FARS2: variants seen among roughly 807,000 people sequenced by gnomAD.
The protein encoded by FARS2 is phenylalanyl-tRNA synthetase 2, mitochondrial, also known as phenylalanine--tRNA ligase, mitochondrial.
In FARS2, 40 loss-of-function variants were observed where a neutral mutation model predicts 46.4. The observed-to-expected ratio is 0.86, with a 90% CI of 0.67 to 1.12. FARS2 has a LOEUF of 1.12. Among genes scored for constraint, FARS2 ranks in the 50% most tolerant of loss-of-function variants. The pLI, the probability that FARS2 is intolerant of heterozygous loss-of-function variation, is 0.00. For missense variants in FARS2, 513 were observed against 567.9 expected, an observed-to-expected ratio of 0.90 and a Z score of 0.98; for synonymous variants, 234 against 214.9, an observed-to-expected ratio of 1.09 and a Z score of -0.78.
intron 4 of FARS2, among the ~76,000 whole-genome samples, chr6:5,496,823 T>C (rs1412062911): frequency 6.6e-6 from 1 of 152,132 alleles, no homozygotes; most frequent in Non-Finnish European, 1.5e-5. Flanking sequence ...GAAGTTTTTG[T>C]TGTTGTTGTT....
chr6:5,448,571 A>G (rs548266785), intron 4 of FARS2, among the ~76,000 whole-genome samples: 6 of 151,948 alleles, frequency 3.9e-5, no homozygotes, highest in Non-Finnish European at 5.9e-5. Flanking sequence ...TGTGTGTATG[A>G]ACCATAATGT....
chr6:5,545,634 G>C (rs574807429), intron 5 of FARS2, among the ~76,000 whole-genome samples: 47 of 151,974 alleles, frequency 3.1e-4, no homozygotes, highest in Admixed American at 1.5e-3. Flanking sequence ...AACAGGCCCC[G>C]GTGTGTGATG....
intron 4 of FARS2, among the ~76,000 whole-genome samples, chr6:5,525,544 A>T (rs1769410972): frequency 6.6e-6 from 1 of 152,230 alleles, no homozygotes; most frequent in Non-Finnish European, 1.5e-5. Flanking sequence ...TTCATAAGGG[A>T]TGTGCCCTCC....
intron 3 of FARS2, among the ~76,000 whole-genome samples, chr6:5,427,953 T>G (rs1299893100): frequency 6.6e-6 from 1 of 152,216 alleles, no homozygotes; most frequent in African/African-American, 2.4e-5. Flanking sequence ...AGCCCTTCAG[T>G]GAAGGAAGGT....
At chr6:5,609,457 T>C in intron 5 of FARS2, 2 of 1,226,800 alleles carry the variant, frequency 1.6e-6, no homozygotes, top group Non-Finnish European at 2.4e-6. Flanking sequence ...CCAAATCCAT[T>C]ATAGCCATCC....
At chr6:5,745,672 G>C (rs1376965423) in intron 6 of FARS2, among the ~76,000 whole-genome samples, 2 of 152,146 alleles carry the variant, frequency 1.3e-5, no homozygotes, top group African/African-American at 4.8e-5. Context: ...CTAAGGAGCT[G>C]GGACTACAAG....
chr6:5,731,337 T>C (rs1285518067), intron 6 of FARS2, among the ~76,000 whole-genome samples: 3 of 151,972 alleles, frequency 2.0e-5, no homozygotes. Context: ...TGTTTTCAGC[T>C]CTCCTCTCTC....
At chr6:5,490,381 A>T (rs1398615654) in intron 4 of FARS2, among the ~76,000 whole-genome samples, 1 of 152,236 alleles carries the variant, frequency 6.6e-6, no homozygotes, top group African/African-American at 2.4e-5. Flanking sequence ...CTTTGTCTGC[A>T]TAATGTGTTC....
At chr6:5,293,964 A>G (rs1405379658) in intron 1 of FARS2, among the ~76,000 whole-genome samples, 3 of 152,236 alleles carry the variant, frequency 2.0e-5, no homozygotes, top group African/African-American at 7.2e-5. Flanking sequence ...ATCATCAAAA[A>G]AGAAGTTTAA....
rs567098185 is a variant in FARS2, at chr6:5,527,532, A to G, written c.905-17648A>G. Among the ~76,000 whole-genome samples the G allele has an allele frequency of 1.6e-4, 24 of 152,366 alleles. No individual in the cohort carries two copies. In the South Asian group the frequency reaches 5.0e-3, roughly 32 times the overall value. On this transcript the variant is annotated intron_variant, in intron 4 of 6. Coordinates refer to ENST00000274680, the MANE Select transcript of FARS2 (RefSeq NM_006567.5). ...ACTCACAACTCTGTACAATGTTTCA[A>G]CAGTGTTTCCTCAAACTCCTCTTAT...
intron 6 of FARS2, among the ~76,000 whole-genome samples, chr6:5,733,043 T>A (rs1372313023): frequency 6.6e-6 from 1 of 152,024 alleles, no homozygotes; most frequent in Admixed American, 6.6e-5. Flanking sequence ...AAGTGAGGGG[T>A]TGAGCTTGGA....
rs544501742 is a variant in FARS2 at position 5,329,137 on chromosome 6, A to G, written c.-21-39413A>G. ...TTAGTGTTGTTTCTATATTAAAAAA[A>G]AAAAAGAAACTGTGGCTACCAACCA... is the stretch of plus-strand genomic sequence containing the variant. On this transcript the variant is annotated intron_variant, in intron 1 of 6. Transcript: ENST00000274680. Among the ~76,000 whole-genome samples the G allele has an allele frequency of 2.0e-3, 308 of 152,300 alleles. 10 individuals carry two copies. In the South Asian group the frequency reaches 0.029, roughly 14 times the overall value.
intron 1 of FARS2, among the ~76,000 whole-genome samples, chr6:5,271,094 G>T (rs1046019196): frequency 4.6e-5 from 7 of 152,176 alleles, no homozygotes; most frequent in Admixed American, 3.3e-4. Context: ...TGTCTTGAGG[G>T]TTCAGAAGCC....
intron 4 of FARS2, among the ~76,000 whole-genome samples, chr6:5,472,092 C>T (rs58808190): frequency 0.03 from 4,533 of 152,250 alleles, 136 homozygotes; most frequent in East Asian, 0.094. Context: ...TGCTCAGCCC[C>T]CTCCGACCTC....
intron 6 of FARS2, among the ~76,000 whole-genome samples, chr6:5,714,013 G>A (rs1759341799): frequency 6.6e-6 from 1 of 152,160 alleles, no homozygotes; most frequent in African/African-American, 2.4e-5. Flanking sequence ...AAACTTGAAG[G>A]GGAGAAAATG....
intron 1 of FARS2, among the ~76,000 whole-genome samples, chr6:5,275,191 A>C (rs975289496): frequency 4.6e-5 from 7 of 152,202 alleles, no homozygotes; most frequent in Admixed American, 2.0e-4. Flanking sequence ...CATGTACACA[A>C]GGCCAAGCTT....
At chr6:5,266,288 T>G in intron 1 of FARS2, among the ~76,000 whole-genome samples, 1 of 152,160 alleles carries the variant, frequency 6.6e-6, no homozygotes, top group Non-Finnish European at 1.5e-5. Flanking sequence ...TTCATATGTT[T>G]TAGGCATGAG....
At chr6:5,436,752 G>T (rs34098975) in intron 4 of FARS2, among the ~76,000 whole-genome samples, 1 of 152,084 alleles carries the variant, frequency 6.6e-6, no homozygotes, top group East Asian at 1.9e-4. Flanking sequence ...TAAAATGTCT[G>T]TTCATAGAGC....
At position 5,526,908 on chromosome 6, in the gene FARS2, C is replaced by T. The variant is rs547273737; in HGVS notation, c.905-18272C>T. Among the ~76,000 whole-genome samples, 25 of 152,174 alleles carry T rather than the reference C, an allele frequency of 1.6e-4. No homozygotes were observed. In the South Asian group the frequency reaches 4.4e-3, roughly 27 times the overall value. On this transcript the variant is annotated intron_variant, in intron 4 of 6. Coordinates refer to ENST00000274680, the MANE Select transcript of FARS2 (RefSeq NM_006567.5). ...CTGGGATTACAGGTGTGAGCCGCCACGTCTGGCCTATGCCTGGTTTCTTAA... is the reference window on the plus strand; with the variant it reads ...CTGGGATTACAGGTGTGAGCCGCCATGTCTGGCCTATGCCTGGTTTCTTAA...
Sources: gnomAD v4.1 joint callset for allele counts (sites outside exome capture counted in the v4.1 genomes callset) on GRCh38, gnomAD v4.1.1 for gene constraint, MANE v1.5 for transcripts, NCBI Gene and HGNC (gene_info 2026-07-23, HGNC 2026-07-21) for gene names.